SLC24A2: variants seen among roughly 807,000 people sequenced by gnomAD.
The protein encoded by SLC24A2 is sodium/potassium/calcium exchanger 2.
SLC24A2 carries 36 observed loss-of-function variants against 62.0 expected under a neutral mutation model. That is an observed-to-expected ratio of 0.58 (90% CI 0.44 to 0.77). The LOEUF (loss-of-function observed/expected upper bound fraction) is 0.77. SLC24A2 is among the 30% of genes least tolerant of loss of function. The probability of loss-of-function intolerance (pLI) is 0.00; values close to 1 mark genes in which losing one functional copy is unlikely to be tolerated. For synonymous variants in SLC24A2, 358 were observed against 294.0 expected (o/e 1.22, Z -2.23); for missense variants, 846 against 817.9 (o/e 1.03, Z -0.42).
intron 2 of SLC24A2, among the ~76,000 whole-genome samples, chr9:19,711,099 G>T (rs1192820603): frequency 1.3e-5 from 2 of 152,182 alleles, no homozygotes; most frequent in Non-Finnish European, 1.5e-5. Flanking sequence ...TGTAAGTAAG[G>T]TCTGGGAATT....
chr9:19,597,078 G>A, intron 5 of SLC24A2, 151 bp downstream of exon 5: 1 of 647,246 alleles, frequency 1.5e-6, no homozygotes, highest in Non-Finnish European at 2.8e-6. Context: ...AAACACAATG[G>A]CAAAAACTAG....
At chr9:20,210,461 G>T in the SLC24A2 span, among the ~76,000 whole-genome samples, 4 of 151,930 alleles carry the variant, frequency 2.6e-5, no homozygotes, top group Non-Finnish European at 5.9e-5. Flanking sequence ...TCATCATGCA[G>T]AAGGCAGAAG....
At chr9:19,573,280 G>C in intron 7 of SLC24A2, 71 bp downstream of exon 7, 2 of 1,016,790 alleles carry the variant, frequency 2.0e-6, no homozygotes, top group Admixed American at 1.7e-5. Flanking sequence ...GGAGAATATA[G>C]GGTCTGTGCT....
chr9:20,171,578 GACAAA>G, the SLC24A2 span, among the ~76,000 whole-genome samples: 6 of 151,902 alleles, frequency 3.9e-5, no homozygotes, highest in Non-Finnish European at 7.4e-5. Flanking sequence ...TCTTATATCA[GACAAA>G]ACAAACTTTA....
chr9:20,125,258 C>T, the SLC24A2 span, among the ~76,000 whole-genome samples: 2 of 151,988 alleles, frequency 1.3e-5, no homozygotes, highest in Admixed American at 1.3e-4. Flanking sequence ...ATTTTTAGAA[C>T]TCCTATTATG....
the SLC24A2 span, among the ~76,000 whole-genome samples, chr9:19,922,228 GA>G: frequency 6.6e-6 from 1 of 152,156 alleles, no homozygotes; most frequent in East Asian, 1.9e-4. Context: ...TCCTAAGTAT[GA>G]AATAGCTTCA....
chr9:19,950,021 C>T, the SLC24A2 span, among the ~76,000 whole-genome samples: 1 of 152,164 alleles, frequency 6.6e-6, no homozygotes, highest in Admixed American at 6.5e-5. Context: ...AAAAACATCT[C>T]CTGACAATTC....
chr9:19,749,933 T>C (rs1423097844), intron 2 of SLC24A2, among the ~76,000 whole-genome samples: 1 of 152,184 alleles, frequency 6.6e-6, no homozygotes, highest in Non-Finnish European at 1.5e-5. Context: ...TTCTCCCACC[T>C]GGGATCACCC....
At chr9:19,973,047 C>A in the SLC24A2 span, among the ~76,000 whole-genome samples, 1 of 152,132 alleles carries the variant, frequency 6.6e-6, no homozygotes, top group East Asian at 1.9e-4. Context: ...ACTTTAAAAA[C>A]CAAAGGGAAG....
At chr9:20,217,428 T>C in the SLC24A2 span, among the ~76,000 whole-genome samples, 7 of 152,300 alleles carry the variant, frequency 4.6e-5, no homozygotes, top group Middle Eastern at 3.4e-3. Context: ...CTTTGTATAA[T>C]TGATCAGTCT....
intron 2 of SLC24A2, among the ~76,000 whole-genome samples, chr9:19,653,191 A>G (rs1204051815): frequency 6.6e-6 from 1 of 152,192 alleles, no homozygotes; most frequent in Non-Finnish European, 1.5e-5. Context: ...CTCAGATAAC[A>G]AAGTACACAA....
chr9:19,916,993 T>TG, the SLC24A2 span, among the ~76,000 whole-genome samples: 120 of 148,444 alleles, frequency 8.1e-4, 1 homozygote, highest in South Asian at 0.025. Flanking sequence ...TTTTTTTTTT[T>TG]TTTTTTTTTT....
At chr9:20,163,781 G>C in the SLC24A2 span, among the ~76,000 whole-genome samples, 1 of 152,112 alleles carries the variant, frequency 6.6e-6, no homozygotes, top group South Asian at 2.1e-4. Context: ...TACCAAAACA[G>C]AGATATAGAC....
upstream of SLC24A2, among the ~76,000 whole-genome samples, chr9:19,789,478 G>A (rs1245714397): frequency 9.2e-5 from 14 of 152,258 alleles, no homozygotes; most frequent in Non-Finnish European, 2.1e-4. Context: ...TTGGGGTCCA[G>A]GGTTTCTTGA....
chr9:19,920,478 T>A, the SLC24A2 span, among the ~76,000 whole-genome samples: 7 of 152,154 alleles, frequency 4.6e-5, no homozygotes, highest in African/African-American at 1.2e-4. Flanking sequence ...TGGGAGGAGA[T>A]CCCAGGAAGT....
rs182962650 is a variant in SLC24A2 at position 19,710,991 on chromosome 9, T to C, written c.930+74946A>G. ...AATGCCTATTTTCTTTTCTTCTCCATAGAGATCTATTGGCCACTTCAGGCC... is the reference window on the plus strand; with the variant it reads ...AATGCCTATTTTCTTTTCTTCTCCACAGAGATCTATTGGCCACTTCAGGCC... On this transcript the variant is annotated intron_variant, in intron 2 of 10. Coordinates refer to ENST00000341998, the MANE Select transcript of SLC24A2 (RefSeq NM_020344.4). Among the ~76,000 whole-genome samples the C allele has an allele frequency of 4.6e-5, 7 of 152,344 alleles. No individual in the cohort carries two copies. In the East Asian group the frequency reaches 5.8e-4, roughly 13 times the overall value.
At chr9:20,034,748 GT>G in the SLC24A2 span, among the ~76,000 whole-genome samples, 1 of 152,136 alleles carries the variant, frequency 6.6e-6, no homozygotes, top group Non-Finnish European at 1.5e-5. Flanking sequence ...GATTACAGGC[GT>G]GAGCCACCGC....
the SLC24A2 span, among the ~76,000 whole-genome samples, chr9:19,919,014 T>A: frequency 2.0e-5 from 3 of 152,234 alleles, no homozygotes; most frequent in Non-Finnish European, 4.4e-5. Flanking sequence ...TGAGAAAATT[T>A]AAATTAAATG....
At chr9:20,270,056 G>A in the SLC24A2 span, among the ~76,000 whole-genome samples, 9 of 152,260 alleles carry the variant, frequency 5.9e-5, no homozygotes, top group Middle Eastern at 3.4e-3. Context: ...AAGACTGGAG[G>A]GGCATCTTGG....
Sources: gnomAD v4.1 joint callset for allele counts (sites outside exome capture counted in the v4.1 genomes callset) on GRCh38, gnomAD v4.1.1 for gene constraint, MANE v1.5 for transcripts, NCBI Gene and HGNC (gene_info 2026-07-23, HGNC 2026-07-21) for gene names.